DMTN: variants seen among roughly 807,000 people sequenced by gnomAD.
DMTN encodes the protein dematin.
A neutral mutation model predicts 59.4 loss-of-function variants in DMTN; 27 were observed. The ratio of observed to expected loss-of-function variants is 0.45; its 90% CI spans 0.33 to 0.63. DMTN has a LOEUF of 0.63. Ranked by LOEUF, DMTN falls within the 20% of genes least tolerant of loss-of-function variation. The probability of loss-of-function intolerance (pLI) is 0.02; values close to 1 mark genes in which losing one functional copy is unlikely to be tolerated. For synonymous variants in DMTN, 221 were observed against 203.7 expected, an observed-to-expected ratio of 1.08 and a Z score of -0.72; for missense variants, 451 against 528.9, an observed-to-expected ratio of 0.85 and a Z score of 1.45.
Position 22,060,419 on chromosome 8 carries a change from T to TCTCTC in DMTN, c.-172+3284_-172+3288dup, listed in dbSNP as rs1366575985. On this transcript the variant is annotated intron_variant, in intron 1 of 15. Transcript: ENST00000358242. This position sits in a 1 kb window ranked among gnomAD's most constrained non-coding sequence, Gnocchi z 5.0. ...CTTTCTCTCTTTCTGTCTCGCTCTC[T>TCTCTC]CTCTCTCTCTCTCCCCCTCACACAT... Among the ~76,000 whole-genome samples, 1 of 151,516 alleles carries TCTCTC rather than the reference T, an allele frequency of 6.6e-6. No homozygotes were observed. The highest frequency in any genetic ancestry group is 1.5e-5 in the Non-Finnish European group (1 of 67,960).
intron 9 of DMTN, 46 bp downstream of exon 9, chr8:22,072,496 G>A (rs3824334): frequency 0.81 from 1,217,086 of 1,508,546 alleles, 495,311 homozygotes; most frequent in East Asian, 0.98. Flanking sequence ...CAGGAGTCTC[G>A]CTCTGTTGCC....
At chr8:22,079,277 A>ATATATATATATATATATATATATAT (rs1238511445) in intron 10 of DMTN, among the ~76,000 whole-genome samples, 2 of 27,670 alleles carry the variant, frequency 7.2e-5, no homozygotes, top group African/African-American at 2.4e-4. Context: ...TAAATAAATA[A>ATATATATATATATATATATATATAT]ATATATATAT....
At position 22,069,490 on chromosome 8, in the gene DMTN, G is replaced by C. The variant is rs145887401; in HGVS notation, c.366G>C (p.Arg122=). The change falls in exon 6 of 16, where the codon CGG becomes CGC. Residue 122 remains arginine, a synonymous_variant. Coordinates refer to ENST00000358242, the MANE Select transcript of DMTN (RefSeq NM_001387751.1). ...CCCCCAGAACCACTGGAACCCCCCG[G>C]ACCAGCCTGCCCCATTTCCACCACC... The part of the protein sequence containing the change: ...ASAPRTTGTP[R]TSLPHFHHPE... 6.3e-5 allele frequency: 102 copies of C among 1,610,918 alleles called. 1 individual carries two copies. The African/African-American group carries it at 1.3e-3, about 20-fold the overall frequency.
chr8:22,065,297 T>A (rs150724356), intron 1 of DMTN, among the ~76,000 whole-genome samples: 16 of 152,218 alleles, frequency 1.1e-4, no homozygotes, highest in Admixed American at 4.6e-4. Flanking sequence ...GCCTCCCACA[T>A]AGCTCTTATT....
At chr8:22,069,209 A>C in intron 5 of DMTN, 149 bp downstream of exon 5, 1 of 1,023,682 alleles carries the variant, frequency 9.8e-7, no homozygotes, top group Non-Finnish European at 1.4e-6. Context: ...CTCTGTGTCC[A>C]TCATTCTGTC....
At chr8:22,079,842 T>C (rs1216904549) in intron 10 of DMTN, among the ~76,000 whole-genome samples, 1 of 152,234 alleles carries the variant, frequency 6.6e-6, no homozygotes, top group Non-Finnish European at 1.5e-5. Flanking sequence ...GATTCGATTT[T>C]AGTTTTCTTT....
chr8:22,065,173 A>G (rs1563429104), intron 1 of DMTN, among the ~76,000 whole-genome samples: 1 of 152,126 alleles, frequency 6.6e-6, no homozygotes, highest in African/African-American at 2.4e-5. Flanking sequence ...TGAGATGACT[A>G]CAGCTGCATA....
In DMTN at chr8:22,080,825, G is replaced by A. The variant is rs1316403706; in HGVS notation, c.978G>A (p.Gly326=). The A allele has an allele frequency of 6.2e-7, 1 of 1,601,688 alleles. No individual in the cohort carries two copies. The highest frequency in any genetic ancestry group is 8.5e-7 in the Non-Finnish European group (1 of 1,171,888). ...PGLQNGEGQR[G]RMDRGNSLPC... is the part of the protein sequence containing the mutation. The stretch of plus-strand genomic sequence containing the variant: ...CCCAGAACGGAGAGGGCCAGAGGGG[G>A]AGGATGGACCGGGGGAACTCCCTGC... The change falls in exon 14 of 16, where the codon GGG becomes GGA. Residue 326 remains glycine (G), a synonymous_variant. Transcript: ENST00000358242.
Position 22,060,482 on chromosome 8 carries a change from C to T in DMTN, c.-172+3346C>T, listed in dbSNP as rs1055091703. Among the ~76,000 whole-genome samples, 1 of 152,158 alleles carries T rather than the reference C, an allele frequency of 6.6e-6. No individual in the cohort carries two copies. ...ACACATATACACACACTCTTCTCCA[C>T]CCCCATTTTCCCGGCTGGCCTTCTG... On this transcript the variant is annotated intron_variant, in intron 1 of 15. Transcript: ENST00000358242. The surrounding 1 kb of genome is among the most constrained non-coding windows in gnomAD (Gnocchi z 5.0).
At position 22,080,851 on chromosome 8, in the gene DMTN, C is replaced by T; in HGVS notation, c.1004C>T (p.Pro335Leu). Reference sequence around the variant, plus strand: ...AGGATGGACCGGGGGAACTCCCTGCCCTGTGTGCTGGAGCAGAAGGTGAGG... The same window carrying T: ...AGGATGGACCGGGGGAACTCCCTGCTCTGTGTGCTGGAGCAGAAGGTGAGG... Reference protein sequence around the residue: ...RGRMDRGNSLPCVLEQKIYPY... With the variant: ...RGRMDRGNSLLCVLEQKIYPY... Residue 335 changes from proline (P) to leucine (L), a missense_variant, in exon 14 of 16, where the codon CCC (proline) becomes CTC (leucine). Transcript: ENST00000358242. The T allele has an allele frequency of 6.3e-7, 1 of 1,587,070 alleles. No individual in the cohort carries two copies. Among genetic ancestry groups the T allele is most frequent in the Non-Finnish European group, 8.6e-7 (1 of 1,164,024 alleles).
chr8:22,073,719 T>C lies in DMTN; in HGVS notation c.730-11T>C. Reference sequence around the variant, plus strand: ...TAAGTCTTGGCTCCATCTTCCTTTCTCCCTCCTCAGGTTACTTCCAACTTG... The same window carrying C: ...TAAGTCTTGGCTCCATCTTCCTTTCCCCCTCCTCAGGTTACTTCCAACTTG... On this transcript the variant is annotated splice_polypyrimidine_tract_variant and intron_variant, in intron 9 of 15. Coordinates refer to ENST00000358242, the MANE Select transcript of DMTN (RefSeq NM_001387751.1). The C allele has an allele frequency of 1.3e-6, 2 of 1,591,466 alleles. No homozygotes were observed. Among genetic ancestry groups the C allele is most frequent in the South Asian group, 1.1e-5 (1 of 90,608 alleles).
intron 3 of DMTN, 49 bp downstream of exon 3, chr8:22,067,208 G>C (rs1275608771): frequency 1.3e-6 from 2 of 1,587,086 alleles, no homozygotes; most frequent in South Asian, 1.1e-5. Flanking sequence ...GAGGGGGGAG[G>C]GTGGGGGACC....
At chr8:22,064,390 C>A (rs1246133784) in intron 1 of DMTN, among the ~76,000 whole-genome samples, 3 of 152,058 alleles carry the variant, frequency 2.0e-5, no homozygotes, top group African/African-American at 7.2e-5. Flanking sequence ...ACTGAGAAGG[C>A]GAGAGGAGTA....
At chr8:22,062,542 C>T (rs1223562879) in intron 1 of DMTN, among the ~76,000 whole-genome samples, 12 of 152,166 alleles carry the variant, frequency 7.9e-5, no homozygotes, top group Admixed American at 7.9e-4. Flanking sequence ...CTACCGTTCT[C>T]TCTCTGCTGT....
chr8:22,076,306 G>T (rs1395028442), intron 10 of DMTN, among the ~76,000 whole-genome samples: 1 of 151,576 alleles, frequency 6.6e-6, no homozygotes, highest in Non-Finnish European at 1.5e-5. Context: ...AGGGAAGGGT[G>T]CCTAGGGCTT....
chr8:22,058,146 G>A lies in DMTN; in HGVS notation c.-172+1010G>A, dbSNP rs1803761373. Among the ~76,000 whole-genome samples the A allele has an allele frequency of 6.6e-6, 1 of 152,156 alleles. No homozygotes were observed. The highest frequency in any genetic ancestry group is 1.5e-5 in the Non-Finnish European group (1 of 68,022). ...ACAGGGCTTCGGAGTCTCCCCGCGTGCATGCGTCCTGCAACGGTTTCAGCG... is the reference window on the plus strand; with the variant it reads ...ACAGGGCTTCGGAGTCTCCCCGCGTACATGCGTCCTGCAACGGTTTCAGCG... On this transcript the variant is annotated intron_variant, in intron 1 of 15. Coordinates refer to ENST00000358242, the MANE Select transcript of DMTN (RefSeq NM_001387751.1). The surrounding 1 kb of genome is among the most constrained non-coding windows in gnomAD (Gnocchi z 4.3).
chr8:22,070,654 T>C (rs1814628532), intron 8 of DMTN, among the ~76,000 whole-genome samples: 1 of 152,238 alleles, frequency 6.6e-6, no homozygotes, highest in Non-Finnish European at 1.5e-5. Flanking sequence ...AAATGATAGA[T>C]GGTTTGGTCC....
At chr8:22,049,421 C>T (rs1317343357), upstream of DMTN, among the ~76,000 whole-genome samples, 4 of 151,912 alleles carry the variant, frequency 2.6e-5, no homozygotes, top group Admixed American at 2.6e-4. Context: ...GAAGGGGCGG[C>T]CTTGCCCCCA....
At chr8:22,078,486 A>G (rs1431944553) in intron 10 of DMTN, among the ~76,000 whole-genome samples, 2 of 83,774 alleles carry the variant, frequency 2.4e-5, no homozygotes, top group Non-Finnish European at 4.7e-5. Context: ...TATGGAGGTT[A>G]ACTATTTATA....
Sources: allele counts gnomAD v4.1 joint callset (sites outside exome capture counted in the v4.1 genomes callset), GRCh38; gene constraint gnomAD v4.1.1; non-coding constraint Gnocchi (gnomAD v3.1); transcripts MANE v1.5; gene names NCBI Gene and HGNC (gene_info 2026-07-23, HGNC 2026-07-21).